SEMA3E: variants seen among roughly 807,000 people sequenced by gnomAD.
SEMA3E encodes the protein semaphorin 3E.
Under a neutral mutation model 93.6 loss-of-function variants are expected in SEMA3E, and 49 were observed. The observed-to-expected ratio is 0.52, with a 90% CI of 0.42 to 0.66. The LOEUF (loss-of-function observed/expected upper bound fraction) is 0.66. Among genes scored for constraint, SEMA3E ranks in the 30% least tolerant of loss-of-function variants. SEMA3E has a pLI of 0.00. For missense variants in SEMA3E, 906 were observed against 964.8 expected (o/e 0.94, Z 0.81); for synonymous variants, 363 against 330.7 (o/e 1.10, Z -1.06).
chr7:83,472,966 C>T (rs1789934682), intron 2 of SEMA3E, among the ~76,000 whole-genome samples: 1 of 152,162 alleles, frequency 6.6e-6, no homozygotes, highest in South Asian at 2.1e-4. Flanking sequence ...TCAGCTTCCA[C>T]CATGATTGCA....
At chr7:83,485,466 A>G (rs1790232545) in intron 2 of SEMA3E, among the ~76,000 whole-genome samples, 1 of 152,224 alleles carries the variant, frequency 6.6e-6, no homozygotes, top group Non-Finnish European at 1.5e-5. Context: ...AGTGCTCCCA[A>G]TTCACTATGG....
chr7:83,521,918 C>T (rs1791058700), intron 1 of SEMA3E, among the ~76,000 whole-genome samples: 1 of 152,068 alleles, frequency 6.6e-6, no homozygotes, highest in African/African-American at 2.4e-5. Flanking sequence ...TCATTGTAGG[C>T]ACTTTTACAA....
chr7:83,493,887 A>G (rs1790435173), intron 1 of SEMA3E, among the ~76,000 whole-genome samples: 2 of 151,928 alleles, frequency 1.3e-5, no homozygotes, highest in Admixed American at 1.3e-4. Context: ...TTATTCAAGA[A>G]AGGTTAGAAG....
chr7:83,619,904 C>CAGACAGACAGACAGACAGACAGACAGAT (rs71522672), intron 1 of SEMA3E, among the ~76,000 whole-genome samples: 1 of 148,040 alleles, frequency 6.8e-6, no homozygotes, highest in African/African-American at 2.6e-5. Flanking sequence ...GATAGATAGA[C>CAGACAGACAGACAGACAGACAGACAGAT]AGATAGATAG....
At chr7:83,632,015 C>A (rs1793794832) in intron 1 of SEMA3E, among the ~76,000 whole-genome samples, 1 of 151,934 alleles carries the variant, frequency 6.6e-6, no homozygotes, top group African/African-American at 2.4e-5. Context: ...ATTAGCCGGG[C>A]ATGGTGGTAC....
chr7:83,616,661 A>G (rs759706079), intron 1 of SEMA3E: 7 of 443,142 alleles, frequency 1.6e-5, no homozygotes, highest in Non-Finnish European at 3.1e-5. Flanking sequence ...TCTTCATTCA[A>G]GTTGTGAAGG....
chr7:83,635,225 A>G (rs745737403), intron 1 of SEMA3E, among the ~76,000 whole-genome samples: 39 of 152,012 alleles, frequency 2.6e-4, no homozygotes, highest in Non-Finnish European at 4.7e-4. Context: ...AGGAAAAATA[A>G]GTTATGTCAG....
In SEMA3E at chr7:83,405,499, T is replaced by A. The variant is rs752718717; in HGVS notation, c.949A>T (p.Thr317Ser). ...DELEDVFLLP[T>S]RDHKNPVIFG... ...ATCACTGGATTCTTATGATCTCTGG[T>A]AGGTAGCAAAAAAACGTCCTCTGAA... Residue 317 changes from threonine (T) to serine (S), a missense_variant, in exon 9 of 17, where the codon ACC (threonine) becomes TCC (serine). By Grantham distance (58) the Thr-to-Ser change is moderately conservative. Transcript: ENST00000643230. 235 of 1,612,930 alleles carry A rather than the reference T, an allele frequency of 1.5e-4. No individual in the cohort carries two copies. Among genetic ancestry groups the A allele is most frequent in the Non-Finnish European group, 1.9e-4 (229 of 1,179,336 alleles).
intron 1 of SEMA3E, among the ~76,000 whole-genome samples, chr7:83,629,688 C>A (rs925363316): frequency 6.6e-6 from 1 of 152,136 alleles, no homozygotes. Context: ...GTGCTGGCAG[C>A]AAGAATTTCA....
At chr7:83,596,433 G>T (rs370193848) in intron 1 of SEMA3E, among the ~76,000 whole-genome samples, 1 of 151,930 alleles carries the variant, frequency 6.6e-6, no homozygotes, top group Admixed American at 6.6e-5. Flanking sequence ...GCTCTCAGTG[G>T]CTAAAGAAAG....
chr7:83,527,891 C>T (rs2535368), intron 1 of SEMA3E, among the ~76,000 whole-genome samples: 24,521 of 151,452 alleles, frequency 0.16, 1,983 homozygotes, highest in East Asian at 0.21. Flanking sequence ...TGTTTTCTGC[C>T]TAAAGTAATT....
In SEMA3E at chr7:83,365,494, C is replaced by A. The variant is rs1188276051; in HGVS notation, c.*2092G>T. On this transcript the variant is annotated 3_prime_UTR_variant, in exon 17 of 17. Transcript: ENST00000643230. ...TTTTAGCATTTTATGTAAAATGTTTCTTTTCTGGTTAATAGTCACTTTATT... is the reference window on the plus strand; with the variant it reads ...TTTTAGCATTTTATGTAAAATGTTTATTTTCTGGTTAATAGTCACTTTATT... 6.6e-6 allele frequency: 1 copy of A among 151,830 alleles called. No homozygotes were observed. The highest frequency in any genetic ancestry group is 2.4e-5 in the African/African-American group (1 of 41,332). The allele number at this position is 151,830 out of a possible 1,614,324, so 9.4% of individuals were successfully genotyped here.
rs151124992 is a variant in SEMA3E at position 83,641,663 on chromosome 7, C to T, written c.115+6765G>A. Among the ~76,000 whole-genome samples the T allele has an allele frequency of 2.7e-4, 41 of 152,262 alleles. 1 individual carries two copies. In the East Asian group the frequency reaches 7.1e-3, roughly 27 times the overall value. ...TCTTTGCTCCTTCTAGTTATCTACT[C>T]TAATAAGAGCTGGTGTTCATTAAAG... is the stretch of plus-strand genomic sequence containing the variant. On this transcript the variant is annotated intron_variant, in intron 1 of 16. Coordinates refer to ENST00000643230, the MANE Select transcript of SEMA3E (RefSeq NM_012431.3).
At chr7:83,460,716 CCGA>C (rs1302276406) in intron 4 of SEMA3E, among the ~76,000 whole-genome samples, 2 of 151,500 alleles carry the variant, frequency 1.3e-5, no homozygotes, top group Non-Finnish European at 2.9e-5. Flanking sequence ...TTTCTGCGCC[CCGA>C]CCTCTTGTAT....
intron 4 of SEMA3E, among the ~76,000 whole-genome samples, chr7:83,428,182 T>C (rs1179889078): frequency 1.3e-5 from 2 of 152,210 alleles, no homozygotes; most frequent in Admixed American, 6.5e-5. Flanking sequence ...TCGACAGGTG[T>C]GAGTCATTGC....
At chr7:83,584,880 C>T (rs756247549) in intron 1 of SEMA3E, among the ~76,000 whole-genome samples, 4 of 152,114 alleles carry the variant, frequency 2.6e-5, no homozygotes, top group Admixed American at 6.6e-5. Flanking sequence ...ACAGCAAACA[C>T]AATCTTCCCC....
chr7:83,479,671 T>G (rs1020742171), intron 2 of SEMA3E, among the ~76,000 whole-genome samples: 1 of 152,202 alleles, frequency 6.6e-6, no homozygotes. Flanking sequence ...TATGGATATC[T>G]GTTCTTACAG....
intron 1 of SEMA3E, among the ~76,000 whole-genome samples, chr7:83,523,169 T>C (rs910972223): frequency 6.6e-6 from 1 of 152,104 alleles, no homozygotes. Flanking sequence ...GCACACACTA[T>C]GCACTCAGCG....
chr7:83,448,527 CA>C (rs1789285565), intron 4 of SEMA3E, among the ~76,000 whole-genome samples: 1 of 151,974 alleles, frequency 6.6e-6, no homozygotes, highest in Non-Finnish European at 1.5e-5. Context: ...AAAAACAAAA[CA>C]AAACAAAATC....
Sources: allele counts gnomAD v4.1 joint callset (sites outside exome capture counted in the v4.1 genomes callset), GRCh38; gene constraint gnomAD v4.1.1; transcripts MANE v1.5; gene names NCBI Gene and HGNC (gene_info 2026-07-23, HGNC 2026-07-21).